Variants in ITGB5 observed in about 807,000 individuals in gnomAD.
The protein encoded by ITGB5 is integrin beta-5.
In ITGB5, 38 loss-of-function variants were observed where a neutral mutation model predicts 84.8. The ratio of observed to expected loss-of-function variants is 0.45; its 90% CI spans 0.35 to 0.59. ITGB5 has a LOEUF of 0.59. Ranked by LOEUF, ITGB5 falls within the 20% of genes least tolerant of loss-of-function variation. ITGB5 has a pLI of 0.01. For synonymous variants in ITGB5, 393 were observed against 414.4 expected (o/e 0.95, Z 0.63); for missense variants, 905 against 1,034.5 (o/e 0.87, Z 1.72).
chr3:124,819,959 T>TA, intron 6 of ITGB5, 125 bp from the exon 7 acceptor site: 2 of 747,892 alleles, frequency 2.7e-6, no homozygotes, highest in Non-Finnish European at 4.9e-6. Context: ...GGTGGCCCCT[T>TA]AGAGTCCCTT....
chr3:124,840,556 T>C (rs1377928378), intron 5 of ITGB5, among the ~76,000 whole-genome samples: 1 of 152,154 alleles, frequency 6.6e-6, no homozygotes, highest in Non-Finnish European at 1.5e-5. Context: ...CATGAGTTCA[T>C]TTCTGATCTA....
In ITGB5 at chr3:124,809,075, C is replaced by T; in HGVS notation, c.1210G>A (p.Gly404Arg). ...TTCCTCTGACCAGGATAGGATACCC[C>T]ATCTTGGCAGGTAGCAGTAAAGAAG... ...NLFFTATCQD[G>R]VSYPGQRKCE... The change falls in exon 9 of 15, where the codon GGG (glycine) becomes AGG (arginine). Residue 404 changes from glycine (G) to arginine (R), a missense_variant. This residue lies in a region of ITGB5 where 656 missense variants were observed against 734.7 expected (regional missense o/e 0.89). Coordinates refer to ENST00000296181, the MANE Select transcript of ITGB5 (RefSeq NM_002213.5). The T allele has an allele frequency of 6.2e-7, 1 of 1,614,062 alleles. No homozygotes were observed. Among genetic ancestry groups the T allele is most frequent in the East Asian group, 2.2e-5 (1 of 44,884 alleles).
chr3:124,775,771 G>A (rs547089658), intron 10 of ITGB5, among the ~76,000 whole-genome samples: 9 of 152,314 alleles, frequency 5.9e-5, no homozygotes, highest in African/African-American at 2.2e-4. Flanking sequence ...CGACCAATGT[G>A]TGTGACCCAC....
chr3:124,778,967 C>T (rs1314631800), intron 10 of ITGB5, among the ~76,000 whole-genome samples: 1 of 152,106 alleles, frequency 6.6e-6, no homozygotes, highest in African/African-American at 2.4e-5. Context: ...CCCTGGGTCA[C>T]CTTGGGCAGG....
chr3:124,843,313 T>C (rs1018350477), intron 4 of ITGB5, among the ~76,000 whole-genome samples: 6 of 152,234 alleles, frequency 3.9e-5, no homozygotes, highest in African/African-American at 1.4e-4. Context: ...GATCCTGCCC[T>C]GGCCTATGTG....
At chr3:124,858,242 C>A (rs1203875049) in intron 3 of ITGB5, among the ~76,000 whole-genome samples, 1 of 151,954 alleles carries the variant, frequency 6.6e-6, no homozygotes, top group Non-Finnish European at 1.5e-5. Context: ...ATTATATTAC[C>A]GTTTCCTTAT....
At chr3:124,790,863 C>T (rs1011640705) in intron 10 of ITGB5, among the ~76,000 whole-genome samples, 3 of 152,288 alleles carry the variant, frequency 2.0e-5, no homozygotes, top group African/African-American at 7.2e-5. Context: ...TGAGATCTTA[C>T]AGCCACGAGA....
At chr3:124,781,060 A>T (rs1559929688) in intron 10 of ITGB5, 1 of 152,256 alleles carries the variant, frequency 6.6e-6, no homozygotes, top group Non-Finnish European at 1.5e-5. Flanking sequence ...GCCGTGTGAC[A>T]CTGCCGAGCC....
intron 9 of ITGB5, among the ~76,000 whole-genome samples, chr3:124,806,959 T>G (rs1395075854): frequency 6.6e-6 from 1 of 152,210 alleles, no homozygotes; most frequent in Admixed American, 6.5e-5. Flanking sequence ...TAATATTAAT[T>G]ATTGCTAAAC....
At chr3:124,821,726 A>C (rs940442317) in intron 5 of ITGB5, among the ~76,000 whole-genome samples, 1 of 152,174 alleles carries the variant, frequency 6.6e-6, no homozygotes, top group African/African-American at 2.4e-5. Flanking sequence ...TGGCCAATGC[A>C]CCTGAAACCC....
intron 3 of ITGB5, among the ~76,000 whole-genome samples, chr3:124,853,880 A>G (rs1203254777): frequency 1.3e-5 from 2 of 152,210 alleles, no homozygotes; most frequent in East Asian, 3.8e-4. Context: ...TTCAAAATGT[A>G]AGAAAGCTAC....
chr3:124,873,976 C>A (rs1934181004), intron 1 of ITGB5, among the ~76,000 whole-genome samples: 2 of 150,954 alleles, frequency 1.3e-5, no homozygotes. Flanking sequence ...GTACAGTGTA[C>A]TGAAAGAAGC....
intron 5 of ITGB5, among the ~76,000 whole-genome samples, chr3:124,840,371 C>T (rs1178547225): frequency 6.6e-6 from 1 of 151,702 alleles, no homozygotes; most frequent in Admixed American, 6.6e-5. Flanking sequence ...AATGTATGCA[C>T]AAAGACTAAG....
intron 9 of ITGB5, among the ~76,000 whole-genome samples, chr3:124,806,729 G>A (rs574432219): frequency 5.1e-4 from 77 of 151,274 alleles, no homozygotes; most frequent in Admixed American, 2.3e-3. Context: ...AAGCCACTGC[G>A]CCTGGCCTCA....
intron 11 of ITGB5, among the ~76,000 whole-genome samples, chr3:124,771,792 A>C (rs1474547943): frequency 6.7e-6 from 1 of 150,042 alleles, no homozygotes; most frequent in East Asian, 2.0e-4. Flanking sequence ...CCCTTGTGGC[A>C]TCTCTTTGCT....
At chr3:124,886,782 C>A in intron 1 of ITGB5, 149 bp downstream of exon 1, 1 of 337,460 alleles carries the variant, frequency 3.0e-6, no homozygotes, top group Non-Finnish European at 5.1e-6. Context: ...CCCCGCGGGG[C>A]TGTCCCCCAG....
Position 124,878,950 on chromosome 3 carries a change from C to T in ITGB5, c.71-5419G>A, listed in dbSNP as rs149207617. Among the ~76,000 whole-genome samples the T allele has an allele frequency of 1.2e-3, 183 of 152,256 alleles. 1 individual carries two copies. The highest frequency in any genetic ancestry group is 3.4e-3 in the Middle Eastern group (1 of 294). ...GTTTGCATAGTGACTATTCCCAGCT[C>T]GGTGGCAACTCCATGTATCTCTTTT... On this transcript the variant is annotated intron_variant, in intron 1 of 14. Transcript: ENST00000296181.
intron 10 of ITGB5, among the ~76,000 whole-genome samples, chr3:124,786,238 C>A (rs2064080538): frequency 6.6e-6 from 1 of 152,024 alleles, no homozygotes; most frequent in South Asian, 2.1e-4. Flanking sequence ...GTGAAAAGGC[C>A]ATTAAAACAG....
chr3:124,894,198 T>C (rs189588713), intron 1 of ITGB5, among the ~76,000 whole-genome samples: 4,414 of 137,858 alleles, frequency 0.032, 102 homozygotes, highest in South Asian at 0.048. Context: ...AGTGGCACGA[T>C]CTCGGCTCAC....
Sources: allele counts gnomAD v4.1 joint callset (sites outside exome capture counted in the v4.1 genomes callset), GRCh38; gene constraint gnomAD v4.1.1; regional missense constraint gnomAD v4.1.1; transcripts MANE v1.5; gene names NCBI Gene and HGNC (gene_info 2026-07-23, HGNC 2026-07-21).